The following FLRT2 variants were observed in gnomAD, a reference collection of about 807,000 sequenced individuals.
The protein encoded by FLRT2 is fibronectin leucine rich transmembrane protein 2, also known as leucine-rich repeat transmembrane protein FLRT2.
In FLRT2, 15 loss-of-function variants were observed where a neutral mutation model predicts 40.0. The ratio of observed to expected loss-of-function variants is 0.38; its 90% confidence interval spans 0.25 to 0.58. FLRT2 has a LOEUF of 0.58. Among genes scored for constraint, FLRT2 ranks in the 20% least tolerant of loss-of-function variants. FLRT2 has a pLI of 0.71. For synonymous variants in FLRT2, 380 were observed against 336.8 expected (o/e 1.13, Z -1.41); for missense variants, 726 against 840.0 (o/e 0.86, Z 1.68).
intron 1 of FLRT2, among the ~76,000 whole-genome samples, chr14:85,580,552 T>G (rs909763317): frequency 2.6e-5 from 4 of 152,238 alleles, no homozygotes; most frequent in African/African-American, 9.6e-5. Context: ...TAATAGAGTT[T>G]CGTTAAAGTT....
In FLRT2 at chr14:85,625,811, G is replaced by C. The variant is rs1010595473; in HGVS notation, c.*2314G>C. The C allele has an allele frequency of 4.8e-5, 8 of 166,946 alleles. No homozygotes were observed. Among genetic ancestry groups the C allele is most frequent in the African/African-American group, 1.7e-4 (7 of 41,414 alleles). 10.3% of individuals were successfully genotyped at this position (166,946 alleles called of 1,614,324 possible). A position where few individuals can be genotyped will look rare whatever the true frequency, so the allele number is the denominator to read the frequency against. On this transcript the variant is annotated 3_prime_UTR_variant, in exon 2 of 2. Transcript: ENST00000330753. ...CAAATGATGGTACTTTGACTTTTGA[G>C]GGTTTTTATTTCTGTTATTCACAAA...
chr14:85,552,706 G>C (rs770393947), intron 1 of FLRT2: 1 of 152,176 alleles, frequency 6.6e-6, no homozygotes, highest in Non-Finnish European at 1.5e-5. Flanking sequence ...TGATAATTCC[G>C]TCGCATCATT....
chr14:85,603,694 C>A (rs80103282), intron 1 of FLRT2, among the ~76,000 whole-genome samples: 3,227 of 148,682 alleles, frequency 0.022, 57 homozygotes, highest in South Asian at 0.085. Context: ...CATGGCGAAA[C>A]CCCACTCTAC....
chr14:85,626,580 T>G lies in FLRT2; in HGVS notation c.*3083T>G, dbSNP rs1052071258. 1 of 167,054 alleles carries G rather than the reference T, an allele frequency of 6.0e-6. No homozygotes were observed. The highest frequency in any genetic ancestry group is 2.1e-4 in the South Asian group (1 of 4,830). The allele number at this position is 167,054 out of a possible 1,614,324, so 10.3% of individuals were successfully genotyped here. A position where few individuals can be genotyped will look rare whatever the true frequency, so the allele number is the denominator to read the frequency against. On this transcript the variant is annotated 3_prime_UTR_variant, in exon 2 of 2. Coordinates refer to ENST00000330753, the MANE Select transcript of FLRT2 (RefSeq NM_013231.6). ...CAGGGTAGTTGTTAATACCTGCTTG[T>G]TTGGGGAGATATGTTTGATTATAGA...
intron 1 of FLRT2, among the ~76,000 whole-genome samples, chr14:85,559,939 T>C (rs1263405994): frequency 6.6e-6 from 1 of 152,194 alleles, no homozygotes; most frequent in Non-Finnish European, 1.5e-5. Flanking sequence ...CAGGAAGCCA[T>C]AGATTTTGAG....
In FLRT2 at chr14:85,642,143, A is replaced by AG. The variant is rs1894164322; in HGVS notation, c.*18646_*18647insG. 1 of 150,470 alleles carries AG rather than the reference A, an allele frequency of 6.6e-6. No homozygotes were observed. Among genetic ancestry groups the AG allele is most frequent in the Non-Finnish European group, 1.5e-5 (1 of 67,592 alleles). 9.3% of individuals were successfully genotyped at this position (150,470 alleles called of 1,614,324 possible). A position where few individuals can be genotyped will look rare whatever the true frequency, so the allele number is the denominator to read the frequency against. ...AAGGTTGCTGTTGACAAAAAAAAAAAAAAAGAAAGAAAGAAAAAAATGGCA... is the reference window on the plus strand; with the variant it reads ...AAGGTTGCTGTTGACAAAAAAAAAAAGAAAAGAAAGAAAGAAAAAAATGGCA... On this transcript the variant is annotated 3_prime_UTR_variant, in exon 2 of 2. Transcript: ENST00000330753.
At chr14:85,545,921 G>T (rs1336289693) in intron 1 of FLRT2, among the ~76,000 whole-genome samples, 1 of 152,272 alleles carries the variant, frequency 6.6e-6, no homozygotes, top group Middle Eastern at 3.4e-3. Context: ...AAAGTGTGTG[G>T]CCTCTGAGAG....
intron 1 of FLRT2, among the ~76,000 whole-genome samples, chr14:85,599,672 ACT>A (rs936537086): frequency 6.6e-6 from 1 of 151,712 alleles, no homozygotes; most frequent in Admixed American, 6.6e-5. Context: ...CAGTTCAATT[ACT>A]CTTTCTCCTT....
intron 1 of FLRT2, among the ~76,000 whole-genome samples, chr14:85,567,419 T>C (rs982169893): frequency 2.0e-5 from 3 of 152,154 alleles, no homozygotes; most frequent in African/African-American, 7.2e-5. Context: ...CACATTATGC[T>C]GGTTAAGAGC....
chr14:85,595,182 A>G (rs976408674), intron 1 of FLRT2, among the ~76,000 whole-genome samples: 13 of 152,060 alleles, frequency 8.5e-5, no homozygotes, highest in Non-Finnish European at 1.5e-4. Context: ...ATATAAGTGG[A>G]CCTGCATGGT....
At chr14:85,579,905 T>G (rs992216683) in intron 1 of FLRT2, among the ~76,000 whole-genome samples, 2 of 149,944 alleles carry the variant, frequency 1.3e-5, no homozygotes, top group Non-Finnish European at 3.0e-5. Flanking sequence ...GGGTGGTCAT[T>G]CCATGCACAG....
chr14:85,532,991 G>C (rs1178873498), intron 1 of FLRT2, among the ~76,000 whole-genome samples: 1 of 152,164 alleles, frequency 6.6e-6, no homozygotes, highest in Non-Finnish European at 1.5e-5. Flanking sequence ...AGAAGGTCAG[G>C]GTGGCATCTG....
Position 85,650,362 on chromosome 14 carries a change from G to C in FLRT2, c.*26865G>C, listed in dbSNP as rs1381141844. 1 of 151,586 alleles carries C rather than the reference G, an allele frequency of 6.6e-6. No individual in the cohort carries two copies. The highest frequency in any genetic ancestry group is 1.9e-4 in the East Asian group (1 of 5,172). The allele number at this position is 151,586 out of a possible 1,614,324, so 9.4% of individuals were successfully genotyped here. On this transcript the variant is annotated 3_prime_UTR_variant, in exon 2 of 2. Transcript: ENST00000330753. ...AATATATAGGTATTTTAATTTTACT[G>C]TATTATATTGTTGAACATTTCCACT...
chr14:85,614,423 C>T (rs1003923438), intron 1 of FLRT2, among the ~76,000 whole-genome samples: 3 of 152,008 alleles, frequency 2.0e-5, no homozygotes, highest in African/African-American at 7.2e-5. Context: ...TGCCCTTTGT[C>T]ATGCTGTTAG....
chr14:85,531,474 C>T (rs989064858), intron 1 of FLRT2, among the ~76,000 whole-genome samples: 2 of 152,076 alleles, frequency 1.3e-5, no homozygotes, highest in African/African-American at 4.8e-5. Context: ...AGCCCAAGAT[C>T]AAGGTTGCAA....
intron 1 of FLRT2, among the ~76,000 whole-genome samples, chr14:85,538,073 G>C (rs1353945740): frequency 6.6e-6 from 1 of 151,920 alleles, no homozygotes; most frequent in Non-Finnish European, 1.5e-5. Flanking sequence ...CCCACTTACT[G>C]GCCTCCTGTA....
chr14:85,613,158 G>A (rs1052181121), intron 1 of FLRT2, among the ~76,000 whole-genome samples: 2 of 151,828 alleles, frequency 1.3e-5, no homozygotes, highest in Admixed American at 1.3e-4. Flanking sequence ...AAAATATATT[G>A]TTATTATATA....
Position 85,583,686 on chromosome 14 carries a change from A to G in FLRT2, c.-376-37453A>G, listed in dbSNP as rs185826947. 7.3e-4 allele frequency among the ~76,000 whole-genome samples: 111 copies of G among 152,332 alleles called. 2 individuals carry two copies. In the South Asian group the frequency reaches 0.016, roughly 22 times the overall value. Reference sequence around the variant, plus strand: ...TTGTGCACGGAAGGAGATATAATTTACTTTACATAACGTGGAGTGCTGCAT... The same window carrying G: ...TTGTGCACGGAAGGAGATATAATTTGCTTTACATAACGTGGAGTGCTGCAT... On this transcript the variant is annotated intron_variant, in intron 1 of 1. Coordinates refer to ENST00000330753, the MANE Select transcript of FLRT2 (RefSeq NM_013231.6).
At position 85,531,099 on chromosome 14, in the gene FLRT2, T is replaced by C. The variant is rs546413059; in HGVS notation, c.-377+565T>C. On this transcript the variant is annotated intron_variant, in intron 1 of 1. Coordinates refer to ENST00000330753, the MANE Select transcript of FLRT2 (RefSeq NM_013231.6). ...GGGTGGGGCTTTTTCCAAAACCAAG[T>C]CCCTTCCAGCCCTGCTTGTCCTCTT... is the stretch of plus-strand genomic sequence containing the variant. The C allele has an allele frequency of 1.2e-4, 18 of 152,466 alleles. No individual in the cohort carries two copies. In the South Asian group the frequency reaches 3.7e-3, roughly 32 times the overall value. 9.4% of individuals were successfully genotyped at this position (152,466 alleles called of 1,614,324 possible). A position where few individuals can be genotyped will look rare whatever the true frequency, so the allele number is the denominator to read the frequency against.
Sources: gnomAD v4.1 joint callset for allele counts (sites outside exome capture counted in the v4.1 genomes callset) on GRCh38, gnomAD v4.1.1 for gene constraint, MANE v1.5 for transcripts, NCBI Gene and HGNC (gene_info 2026-07-23, HGNC 2026-07-21) for gene names.